The following KIF3B variants were observed in gnomAD, a reference collection of about 807,000 sequenced individuals.
The protein encoded by KIF3B is kinesin family member 3B.
A neutral mutation model predicts 74.3 loss-of-function variants in KIF3B; 38 were observed. That is an observed-to-expected ratio of 0.51 (90% CI 0.39 to 0.67). The LOEUF is 0.67. Ranked by LOEUF, KIF3B falls within the 30% of genes least tolerant of loss-of-function variation. KIF3B has a pLI of 0.00. For missense variants in KIF3B, 649 were observed against 932.0 expected (o/e 0.70, Z 3.95); for synonymous variants, 326 against 342.5 (o/e 0.95, Z 0.53).
At chr20:32,311,963 C>T (rs1025262891) in intron 2 of KIF3B, among the ~76,000 whole-genome samples, 5 of 151,742 alleles carry the variant, frequency 3.3e-5, no homozygotes, top group Admixed American at 1.3e-4. Flanking sequence ...CCACCACGCC[C>T]GGCTAAGTTT....
At chr20:32,313,658 G>A (rs565435069) in intron 2 of KIF3B, among the ~76,000 whole-genome samples, 1 of 152,128 alleles carries the variant, frequency 6.6e-6, no homozygotes, top group Non-Finnish European at 1.5e-5. Flanking sequence ...AGCACTTCAT[G>A]CCTTCTCACT....
At chr20:32,293,120 G>A (rs2047701015) in intron 1 of KIF3B, among the ~76,000 whole-genome samples, 1 of 152,074 alleles carries the variant, frequency 6.6e-6, no homozygotes, top group African/African-American at 2.4e-5. Context: ...TGGATGTGGT[G>A]GGGTGTGCTT....
chr20:32,297,171 T>G (rs748464765), intron 1 of KIF3B, among the ~76,000 whole-genome samples: 2 of 150,832 alleles, frequency 1.3e-5, no homozygotes, highest in Non-Finnish European at 3.0e-5. Context: ...TTTCAGATAC[T>G]CTGAGTATTT....
In KIF3B at chr20:32,332,451, A is replaced by G. The variant is rs2047935028; in HGVS notation, c.*1132A>G. The stretch of plus-strand genomic sequence containing the variant: ...TTCAGCAGAGAATTCACCGAATCCT[A>G]GAACTGTGGCTCCCTCCAGGCAGAG... On this transcript the variant is annotated 3_prime_UTR_variant, in exon 9 of 9. Coordinates refer to ENST00000375712, the MANE Select transcript of KIF3B (RefSeq NM_004798.4). 1 of 152,316 alleles carries G rather than the reference A, an allele frequency of 6.6e-6. No individual in the cohort carries two copies. The highest frequency in any genetic ancestry group is 2.4e-5 in the African/African-American group (1 of 41,484). The allele number at this position is 152,316 out of a possible 1,614,324, so 9.4% of individuals were successfully genotyped here.
chr20:32,281,082 C>G (rs544994527), intron 1 of KIF3B, among the ~76,000 whole-genome samples: 1 of 152,236 alleles, frequency 6.6e-6, no homozygotes, highest in African/African-American at 2.4e-5. Flanking sequence ...AGAAAGACCC[C>G]GTCTTATGTA....
Position 32,277,711 on chromosome 20 carries a change from CG to C in KIF3B, c.-119del. On this transcript the variant is annotated 5_prime_UTR_variant, in exon 1 of 9. It removes the in-frame stop codon of an upstream open reading frame in the 5' UTR. Transcript: ENST00000375712. ...TGAGCCAGGGGTTCGCCGCCCCCGC[CG>C]CCGCCGCCGCCGCCGCCGCCGCCGC... 3 of 259,158 alleles carry C rather than the reference CG, an allele frequency of 1.2e-5. No homozygotes were observed. Among genetic ancestry groups the C allele is most frequent in the Middle Eastern group, 1.3e-3 (1 of 758 alleles). 16.1% of individuals were successfully genotyped at this position (259,158 alleles called of 1,614,324 possible).
intron 1 of KIF3B, among the ~76,000 whole-genome samples, chr20:32,286,929 C>T (rs553474273): frequency 8.5e-4 from 129 of 152,250 alleles, no homozygotes; most frequent in Non-Finnish European, 1.6e-3. Context: ...AAGGCAACCC[C>T]CCTTAAATAA....
intron 5 of KIF3B, among the ~76,000 whole-genome samples, chr20:32,324,879 A>C (rs2047894954): frequency 1.3e-5 from 2 of 152,150 alleles, no homozygotes; most frequent in South Asian, 2.1e-4. Flanking sequence ...AAATACAAAA[A>C]AATTAGCTGG....
In KIF3B at chr20:32,277,653, T is replaced by G; in HGVS notation, c.-178T>G. ...GGTTGCTAAGGAAGTGAGCGGCCAC[T>G]GTCTCTCCCCATCCGGGGCAGCGGG... is the stretch of plus-strand genomic sequence containing the variant. On this transcript the variant is annotated 5_prime_UTR_variant, in exon 1 of 9. Coordinates refer to ENST00000375712, the MANE Select transcript of KIF3B (RefSeq NM_004798.4). 1 of 220,418 alleles carries G rather than the reference T, an allele frequency of 4.5e-6. No homozygotes were observed. The highest frequency in any genetic ancestry group is 8.6e-6 in the Non-Finnish European group (1 of 115,878). The allele number at this position is 220,418 out of a possible 1,614,324, so 13.7% of individuals were successfully genotyped here. A position where few individuals can be genotyped will look rare whatever the true frequency, so the allele number is the denominator to read the frequency against.
At chr20:32,283,288 G>A (rs968139423) in intron 1 of KIF3B, among the ~76,000 whole-genome samples, 21 of 151,768 alleles carry the variant, frequency 1.4e-4, no homozygotes, top group Non-Finnish European at 3.1e-4. Flanking sequence ...TGCAGATCAC[G>A]AGGTCAGGAG....
intron 1 of KIF3B, among the ~76,000 whole-genome samples, chr20:32,299,403 A>ATTTTTTTTTTTT (rs11473044): frequency 1.1e-4 from 1 of 9,028 alleles, no homozygotes; most frequent in African/African-American, 6.1e-4. Flanking sequence ...ATATATATAT[A>ATTTTTTTTTTTT]TTTTTTTTTT....
Position 32,284,188 on chromosome 20 carries a change from C to T in KIF3B, c.-66+6423C>T, listed in dbSNP as rs968531667. Among the ~76,000 whole-genome samples, 4 of 152,216 alleles carry T rather than the reference C, an allele frequency of 2.6e-5. 1 individual carries two copies. Reference sequence around the variant, plus strand: ...TCCTGGCTTCAAGCAATCTTCCTGCCTCAGCCTCCCAAAGTGCTGGGATTA... The same window carrying T: ...TCCTGGCTTCAAGCAATCTTCCTGCTTCAGCCTCCCAAAGTGCTGGGATTA... On this transcript the variant is annotated intron_variant, in intron 1 of 8. Transcript: ENST00000375712.
chr20:32,292,928 C>A (rs1391910486), intron 1 of KIF3B, among the ~76,000 whole-genome samples: 2 of 152,286 alleles, frequency 1.3e-5, no homozygotes, highest in African/African-American at 4.8e-5. Flanking sequence ...CAGAGACCAT[C>A]AGAAGGTCCC....
At chr20:32,300,074 CTGTTTTGTTT>C (rs59811144) in intron 1 of KIF3B, among the ~76,000 whole-genome samples, 4,685 of 149,544 alleles carry the variant, frequency 0.031, 181 homozygotes, top group African/African-American at 0.09. Flanking sequence ...CCACACTGGC[CTGTTTTGTTT>C]TGTTTTGTTT....
chr20:32,316,347 A>G lies in KIF3B; in HGVS notation c.1506+28A>G, dbSNP rs768715384. On this transcript the variant is annotated intron_variant, in intron 3 of 8. Coordinates refer to ENST00000375712, the MANE Select transcript of KIF3B (RefSeq NM_004798.4). ...AACTTTTCATTCTTTTTCAGGGAGA[A>G]TGGGTGAGGTAAGGTGTGTTTATGC... The G allele has an allele frequency of 2.6e-6, 4 of 1,556,788 alleles. No individual in the cohort carries two copies. In the Admixed American group the frequency reaches 6.7e-5, roughly 26 times the overall value.
At chr20:32,330,443 C>T (rs2047924891) in intron 8 of KIF3B, 124 bp downstream of exon 8, 5 of 788,014 alleles carry the variant, frequency 6.3e-6, no homozygotes, top group Non-Finnish European at 8.1e-6. Context: ...CCATATTACT[C>T]CTATGTTTAC....
In KIF3B at chr20:32,310,282, A is replaced by T. The variant is rs758156143; in HGVS notation, c.505A>T (p.Arg169Trp). The change falls in exon 2 of 9, where the codon AGG (arginine) becomes TGG (tryptophan). Residue 169 changes from arginine (R) to tryptophan (W), a missense_variant. Around this residue, in one of 4 missense-constraint regions of KIF3B, gnomAD observed 363 missense variants for 592.8 expected, o/e 0.61. Transcript: ENST00000375712. The surrounding 1 kb of genome is among the most constrained non-coding windows in gnomAD (Gnocchi z 6.5). The part of the protein sequence containing the change: ...DQTKRLELKE[R>W]PDTGVYVKDL... Reference sequence around the variant, plus strand: ...GACCAAAAGGCTTGAGCTCAAAGAGAGGCCTGACACAGGAGTGTATGTGAA... The same window carrying T: ...GACCAAAAGGCTTGAGCTCAAAGAGTGGCCTGACACAGGAGTGTATGTGAA... 1 of 1,613,962 alleles carries T rather than the reference A, an allele frequency of 6.2e-7. No individual in the cohort carries two copies. The highest frequency in any genetic ancestry group is 1.1e-5 in the South Asian group (1 of 91,084).
chr20:32,310,274 T>C lies in KIF3B; in HGVS notation c.497T>C (p.Leu166Pro). The C allele has an allele frequency of 6.2e-7, 1 of 1,613,914 alleles. No homozygotes were observed. Among genetic ancestry groups the C allele is most frequent in the Non-Finnish European group, 8.5e-7 (1 of 1,179,958 alleles). The change falls in exon 2 of 9, where the codon CTC becomes CCC. Residue 166 changes from leucine (L) to proline (P), a missense_variant. Coordinates refer to ENST00000375712, the MANE Select transcript of KIF3B (RefSeq NM_004798.4). The surrounding 1 kb of genome is among the most constrained non-coding windows in gnomAD (Gnocchi z 6.5). ...LSKDQTKRLE[L>P]KERPDTGVYV... ...AAGGATCAGACCAAAAGGCTTGAGC[T>C]CAAAGAGAGGCCTGACACAGGAGTG...
At chr20:32,280,071 G>A (rs1050536717) in intron 1 of KIF3B, among the ~76,000 whole-genome samples, 1 of 152,204 alleles carries the variant, frequency 6.6e-6, no homozygotes, top group Non-Finnish European at 1.5e-5. Context: ...CCCCTTGGTG[G>A]TATAGTTTCC....
Sources: allele counts gnomAD v4.1 joint callset (sites outside exome capture counted in the v4.1 genomes callset), GRCh38; gene constraint gnomAD v4.1.1; regional missense constraint gnomAD v4.1.1; non-coding constraint Gnocchi (gnomAD v3.1); transcripts MANE v1.5; gene names NCBI Gene and HGNC (gene_info 2026-07-23, HGNC 2026-07-21).